Variants in PAG1 observed in about 807,000 individuals in gnomAD.
PAG1 encodes the protein phosphoprotein membrane anchor with glycosphingolipid microdomains 1.
PAG1 carries 23 observed loss-of-function variants against 31.7 expected under a neutral mutation model. The ratio of observed to expected loss-of-function variants is 0.73; its 90% confidence interval spans 0.52 to 1.03. The LOEUF (loss-of-function observed/expected upper bound fraction) is 1.03. Ranked by LOEUF, PAG1 falls within the 50% of genes least tolerant of loss-of-function variation. The pLI, the probability that PAG1 is intolerant of heterozygous loss-of-function variation, is 0.00. For missense variants in PAG1, 473 were observed against 540.7 expected (o/e 0.87, Z 1.24); for synonymous variants, 214 against 210.3 (o/e 1.02, Z -0.15).
At chr8:81,055,138 A>G (rs114119518) in intron 2 of PAG1, among the ~76,000 whole-genome samples, 2,650 of 146,232 alleles carry the variant, frequency 0.018, 85 homozygotes, top group African/African-American at 0.064. Context: ...ATGATAGTTC[A>G]CTGCAGCCTA....
In PAG1 at chr8:81,107,719, G is replaced by C. The variant is rs1809715596; in HGVS notation, c.-234+3872C>G. 2.0e-5 allele frequency among the ~76,000 whole-genome samples: 3 copies of C among 152,194 alleles called. 1 individual carries two copies. Among genetic ancestry groups the C allele is most frequent in the South Asian group, 4.1e-4 (2 of 4,832 alleles). On this transcript the variant is annotated intron_variant, in intron 1 of 8. Coordinates refer to ENST00000220597, the MANE Select transcript of PAG1 (RefSeq NM_018440.4). ...ATAACCAGTAAGGACTAGAAATGTG[G>C]TCATATAAATTATGTACAGAGCTGT... is the stretch of plus-strand genomic sequence containing the variant.
chr8:81,030,376 A>C (rs946995614), intron 2 of PAG1, among the ~76,000 whole-genome samples: 9 of 152,260 alleles, frequency 5.9e-5, no homozygotes, highest in Non-Finnish European at 1.2e-4. Context: ...AAATCAATTT[A>C]CTTGCTCTTT....
chr8:81,064,670 T>G (rs1563648299), intron 2 of PAG1, among the ~76,000 whole-genome samples: 2 of 150,926 alleles, frequency 1.3e-5, no homozygotes, highest in South Asian at 4.1e-4. Context: ...GTGCTTTTCA[T>G]GTCAGGCACC....
chr8:81,078,829 A>C (rs1809218443), intron 1 of PAG1, among the ~76,000 whole-genome samples: 1 of 152,200 alleles, frequency 6.6e-6, no homozygotes, highest in Admixed American at 6.5e-5. Flanking sequence ...TTCAGAGATA[A>C]CTTATTTGCT....
At chr8:80,983,839 C>G (rs1807358610) in intron 7 of PAG1, among the ~76,000 whole-genome samples, 1 of 152,022 alleles carries the variant, frequency 6.6e-6, no homozygotes, top group African/African-American at 2.4e-5. Context: ...GTTCATAAAC[C>G]CTTTTATTGG....
At chr8:81,081,277 A>G (rs1003260633) in intron 1 of PAG1, among the ~76,000 whole-genome samples, 3 of 152,224 alleles carry the variant, frequency 2.0e-5, no homozygotes, top group African/African-American at 7.2e-5. Flanking sequence ...TTGGACATGC[A>G]AAGTTCTTTA....
intron 1 of PAG1, among the ~76,000 whole-genome samples, chr8:81,078,501 C>A (rs1809212912): frequency 6.6e-6 from 1 of 151,488 alleles, no homozygotes; most frequent in African/African-American, 2.4e-5. Context: ...TCCAAAGAGA[C>A]ACATCTATGT....
chr8:80,987,296 T>C, intron 6 of PAG1, 74 bp downstream of exon 6: 1 of 915,266 alleles, frequency 1.1e-6, no homozygotes, highest in South Asian at 1.4e-5. Flanking sequence ...CTTTTTGAGC[T>C]ATGTATTTTG....
intron 3 of PAG1, among the ~76,000 whole-genome samples, chr8:81,006,495 T>C (rs1476793213): frequency 6.6e-6 from 1 of 152,092 alleles, no homozygotes; most frequent in Non-Finnish European, 1.5e-5. Context: ...TCTAATCTCA[T>C]AGCGGGTCCC....
Position 80,975,863 on chromosome 8 carries a change from C to G in PAG1, c.*681G>C, listed in dbSNP as rs1476730203. On this transcript the variant is annotated 3_prime_UTR_variant, in exon 9 of 9. Coordinates refer to ENST00000220597, the MANE Select transcript of PAG1 (RefSeq NM_018440.4). ...GGGGAGAGGCTGCTGATATCGAATGCCAAAATAAGAAGGAACAAAGACAGA... is the reference window on the plus strand; with the variant it reads ...GGGGAGAGGCTGCTGATATCGAATGGCAAAATAAGAAGGAACAAAGACAGA... 1 of 152,092 alleles carries G rather than the reference C, an allele frequency of 6.6e-6. No homozygotes were observed. The highest frequency in any genetic ancestry group is 1.5e-5 in the Non-Finnish European group (1 of 68,016). 9.4% of individuals were successfully genotyped at this position (152,092 alleles called of 1,614,324 possible).
intron 2 of PAG1, chr8:81,039,393 G>A (rs1313693212): frequency 6.6e-6 from 1 of 152,238 alleles, no homozygotes; most frequent in Non-Finnish European, 1.5e-5. Context: ...ACCCACACAG[G>A]GAGAATCTCA....
intron 1 of PAG1, among the ~76,000 whole-genome samples, chr8:81,078,437 G>C (rs1377386872): frequency 6.6e-6 from 1 of 151,228 alleles, no homozygotes; most frequent in Admixed American, 6.6e-5. Context: ...GAGAAGATTT[G>C]AGTTTAGCAC....
chr8:81,066,101 C>T (rs944063514), intron 2 of PAG1, among the ~76,000 whole-genome samples: 3 of 152,244 alleles, frequency 2.0e-5, no homozygotes, highest in Admixed American at 6.5e-5. Context: ...AGGGCCACTA[C>T]ATCCTTCCGG....
intron 3 of PAG1, among the ~76,000 whole-genome samples, chr8:81,013,672 C>T (rs1302111610): frequency 2.6e-5 from 4 of 152,144 alleles, no homozygotes; most frequent in East Asian, 1.9e-4. Context: ...CTCTGCCTTC[C>T]GGGCTCAAGC....
chr8:80,996,801 G>A (rs1357258177), intron 3 of PAG1, among the ~76,000 whole-genome samples: 2 of 152,216 alleles, frequency 1.3e-5, no homozygotes, highest in African/African-American at 2.4e-5. Context: ...TTTGAGTGAG[G>A]GGAAGGTGGA....
intron 1 of PAG1, among the ~76,000 whole-genome samples, chr8:81,099,467 T>A (rs1344651371): frequency 6.6e-6 from 1 of 152,202 alleles, no homozygotes; most frequent in Non-Finnish European, 1.5e-5. Context: ...TTTCACTTTA[T>A]TAGTCTGAGA....
chr8:81,052,408 C>T (rs941758424), intron 2 of PAG1, among the ~76,000 whole-genome samples: 4 of 109,764 alleles, frequency 3.6e-5, no homozygotes, highest in Non-Finnish European at 7.0e-5. Context: ...TTGACAAAAA[C>T]GGCATTGAGA....
chr8:80,985,310 A>T lies in PAG1; in HGVS notation c.342T>A (p.Asp114Glu), dbSNP rs1807395046. The change falls in exon 7 of 9, where the codon GAT (aspartate) becomes GAA (glutamate). Residue 114 changes from aspartate (D) to glutamate (E), a missense_variant. Coordinates refer to ENST00000220597, the MANE Select transcript of PAG1 (RefSeq NM_018440.4). The stretch of plus-strand genomic sequence containing the variant: ...CTGTGCTGTCCTGGGAATCCAGCAG[A>T]TCCGAGGCCGATGTCTGGACTTCCT... ...HYEEVQTSAS[D>E]LLDSQDSTGK... 6.2e-7 allele frequency: 1 copy of T among 1,614,000 alleles called. No individual in the cohort carries two copies. Among genetic ancestry groups the T allele is most frequent in the South Asian group, 1.1e-5 (1 of 91,074 alleles).
chr8:81,066,661 A>G (rs887132539), intron 2 of PAG1, among the ~76,000 whole-genome samples: 2 of 152,208 alleles, frequency 1.3e-5, no homozygotes, highest in Admixed American at 6.5e-5. Flanking sequence ...CTTGCTTTCC[A>G]TAGTCCTCAG....
Sources: gnomAD v4.1 joint callset for allele counts (sites outside exome capture counted in the v4.1 genomes callset) on GRCh38, gnomAD v4.1.1 for gene constraint, MANE v1.5 for transcripts, NCBI Gene and HGNC (gene_info 2026-07-23, HGNC 2026-07-21) for gene names.